Variants in GALNTL6 observed in about 807,000 individuals in gnomAD.
The protein encoded by GALNTL6 is polypeptide N-acetylgalactosaminyltransferase like 6, also known as polypeptide N-acetylgalactosaminyltransferase-like 6.
In GALNTL6, 46 loss-of-function variants were observed where a neutral mutation model predicts 73.7. The observed-to-expected ratio is 0.62, with a 90% confidence interval of 0.49 to 0.80. GALNTL6 has a LOEUF of 0.80. Among genes scored for constraint, GALNTL6 ranks in the 30% least tolerant of loss-of-function variants. The pLI is 0.00. For missense variants in GALNTL6, 604 were observed against 755.0 expected (o/e 0.80, Z 2.34); for synonymous variants, 259 against 263.7 (o/e 0.98, Z 0.17).
intron 2 of GALNTL6, among the ~76,000 whole-genome samples, chr4:172,016,580 A>C (rs1741201144): frequency 6.6e-6 from 1 of 151,852 alleles, no homozygotes; most frequent in Non-Finnish European, 1.5e-5. Context: ...CAATTCAGAG[A>C]TTTATTCTTC....
intron 5 of GALNTL6, among the ~76,000 whole-genome samples, chr4:172,700,801 T>C (rs1364241301): frequency 6.6e-6 from 1 of 152,192 alleles, no homozygotes; most frequent in African/African-American, 2.4e-5. Context: ...GCATGATTTC[T>C]AAACAAAGAA....
intron 5 of GALNTL6, among the ~76,000 whole-genome samples, chr4:172,678,906 G>T (rs1732461331): frequency 6.6e-6 from 1 of 152,132 alleles, no homozygotes; most frequent in African/African-American, 2.4e-5. Flanking sequence ...TAAAAGGTCA[G>T]ATAGTATACA....
At chr4:172,693,180 T>C (rs1455546960) in intron 5 of GALNTL6, among the ~76,000 whole-genome samples, 1 of 152,200 alleles carries the variant, frequency 6.6e-6, no homozygotes, top group African/African-American at 2.4e-5. Flanking sequence ...TAATTAAGTC[T>C]CAGTGATGTC....
intron 2 of GALNTL6, among the ~76,000 whole-genome samples, chr4:172,151,110 A>G (rs11132931): frequency 0.46 from 69,704 of 152,028 alleles, 16,919 homozygotes; most frequent in African/African-American, 0.61. Flanking sequence ...ACTATGCCAA[A>G]AAGAGTTTGA....
chr4:172,671,226 T>C (rs1256443075), intron 5 of GALNTL6, among the ~76,000 whole-genome samples: 1 of 152,256 alleles, frequency 6.6e-6, no homozygotes, highest in African/African-American at 2.4e-5. Flanking sequence ...ATTGAATCTA[T>C]AAATTGCTTT....
At chr4:172,696,992 C>T (rs768455357) in intron 5 of GALNTL6, among the ~76,000 whole-genome samples, 2 of 152,094 alleles carry the variant, frequency 1.3e-5, no homozygotes, top group Non-Finnish European at 2.9e-5. Flanking sequence ...CTCTGGACTA[C>T]ACAATTTTAA....
chr4:172,570,131 A>G (rs1736707534), intron 5 of GALNTL6, among the ~76,000 whole-genome samples: 1 of 152,218 alleles, frequency 6.6e-6, no homozygotes, highest in Non-Finnish European at 1.5e-5. Context: ...GAGCTGAGGC[A>G]GTTAAATCTT....
At chr4:172,678,773 A>G (rs11737728) in intron 5 of GALNTL6, among the ~76,000 whole-genome samples, 152,336 of 152,388 alleles carry the variant, frequency 1, 76,142 homozygotes, top group Non-Finnish European at 1. Context: ...CAGCTTACAT[A>G]TCAACTGAGT....
At chr4:172,938,374 G>A (rs1748735303) in intron 9 of GALNTL6, among the ~76,000 whole-genome samples, 1 of 152,150 alleles carries the variant, frequency 6.6e-6, no homozygotes, top group African/African-American at 2.4e-5. Context: ...CTTCATTGTT[G>A]ACCATGGTGT....
chr4:172,970,579 C>T (rs772172427), intron 10 of GALNTL6, among the ~76,000 whole-genome samples: 10 of 152,220 alleles, frequency 6.6e-5, no homozygotes, highest in South Asian at 4.1e-4. Context: ...TCTGCCCAAC[C>T]CTGCAGGCAG....
intron 2 of GALNTL6, among the ~76,000 whole-genome samples, chr4:171,832,840 G>A (rs1048896466): frequency 4.6e-5 from 7 of 151,680 alleles, no homozygotes; most frequent in African/African-American, 7.2e-5. Flanking sequence ...AGCATTACAC[G>A]CTGCCAACTG....
intron 2 of GALNTL6, among the ~76,000 whole-genome samples, chr4:171,968,899 T>C (rs1244893293): frequency 2.6e-5 from 4 of 151,102 alleles, no homozygotes; most frequent in African/African-American, 9.7e-5. Context: ...TGCAATAGTG[T>C]GATCTCGGCT....
intron 2 of GALNTL6, among the ~76,000 whole-genome samples, chr4:171,831,511 A>G (rs1221514347): frequency 6.6e-6 from 1 of 151,852 alleles, no homozygotes; most frequent in Non-Finnish European, 1.5e-5. Flanking sequence ...TCATTTTTAA[A>G]CTTTTCATTC....
intron 5 of GALNTL6, among the ~76,000 whole-genome samples, chr4:172,792,671 C>T (rs201909956): frequency 3.7e-5 from 5 of 135,676 alleles, no homozygotes; most frequent in African/African-American, 5.5e-5. Flanking sequence ...CATAGTTTAG[C>T]TTTTTTTTTT....
intron 2 of GALNTL6, among the ~76,000 whole-genome samples, chr4:171,999,525 G>A (rs1408472664): frequency 6.6e-6 from 1 of 152,072 alleles, no homozygotes; most frequent in Non-Finnish European, 1.5e-5. Flanking sequence ...TTGGCTTCCA[G>A]GACATAGAAT....
intron 5 of GALNTL6, among the ~76,000 whole-genome samples, chr4:172,541,949 T>G (rs1051496978): frequency 6.6e-6 from 1 of 152,066 alleles, no homozygotes; most frequent in Non-Finnish European, 1.5e-5. Context: ...TGCTCTTCCC[T>G]GGCTCTGGCT....
At chr4:172,555,334 G>A (rs1236525234) in intron 5 of GALNTL6, among the ~76,000 whole-genome samples, 2 of 152,074 alleles carry the variant, frequency 1.3e-5, no homozygotes, top group African/African-American at 2.4e-5. Flanking sequence ...AGAACACTAA[G>A]AATTTCTAGG....
chr4:172,125,482 T>C (rs965939100), intron 2 of GALNTL6, among the ~76,000 whole-genome samples: 10 of 152,182 alleles, frequency 6.6e-5, no homozygotes, highest in African/African-American at 2.4e-4. Context: ...ATTGTTAGTT[T>C]TGTATCAGTG....
chr4:172,364,506 A>G (rs879222887), intron 5 of GALNTL6, among the ~76,000 whole-genome samples: 1 of 152,174 alleles, frequency 6.6e-6, no homozygotes, highest in Non-Finnish European at 1.5e-5. Flanking sequence ...TGCAATAAGT[A>G]TTCTATTTAT....
Sources: gnomAD v4.1 joint callset for allele counts (sites outside exome capture counted in the v4.1 genomes callset) on GRCh38, gnomAD v4.1.1 for gene constraint, MANE v1.5 for transcripts, NCBI Gene and HGNC (gene_info 2026-07-23, HGNC 2026-07-21) for gene names.